SUMF1: variants seen among roughly 807,000 people sequenced by gnomAD.
SUMF1 encodes the protein sulfatase modifying factor 1.
Under a neutral mutation model 47.6 loss-of-function variants are expected in SUMF1, and 48 were observed. The observed-to-expected ratio is 1.01, with a 90% confidence interval of 0.80 to 1.28. The LOEUF is 1.28. Ranked by LOEUF, SUMF1 falls within the 50% of genes most tolerant of loss-of-function variation. The pLI, the probability that SUMF1 is intolerant of heterozygous loss-of-function variation, is 0.00. For missense variants in SUMF1, 571 were observed against 485.4 expected, an observed-to-expected ratio of 1.18 and a Z score of -1.66; for synonymous variants, 230 against 192.1, an observed-to-expected ratio of 1.20 and a Z score of -1.63.
chr3:4,037,957 A>G (rs1293155270), intron 9 of SUMF1, among the ~76,000 whole-genome samples: 2 of 152,072 alleles, frequency 1.3e-5, no homozygotes, highest in Non-Finnish European at 2.9e-5. Context: ...GCTTTGGAGT[A>G]TGATCCAATA....
chr3:4,133,749 T>C (rs1301269480), intron 8 of SUMF1, among the ~76,000 whole-genome samples: 1 of 152,088 alleles, frequency 6.6e-6, no homozygotes, highest in Non-Finnish European at 1.5e-5. Flanking sequence ...AGCCTCCAGA[T>C]GGCCTATTGT....
chr3:4,384,620 T>C (rs1700610355), intron 7 of SUMF1, among the ~76,000 whole-genome samples: 1 of 152,204 alleles, frequency 6.6e-6, no homozygotes, highest in Non-Finnish European at 1.5e-5. Flanking sequence ...CCACTCAGCA[T>C]AATTCTCCGG....
intron 3 of SUMF1, among the ~76,000 whole-genome samples, chr3:4,433,822 G>A (rs1449350252): frequency 6.6e-6 from 1 of 152,156 alleles, no homozygotes; most frequent in African/African-American, 2.4e-5. Flanking sequence ...GTCACAGAAG[G>A]AATTAGACTC....
intron 8 of SUMF1, among the ~76,000 whole-genome samples, chr3:4,188,518 C>T (rs1695249780): frequency 6.6e-6 from 1 of 152,172 alleles, no homozygotes; most frequent in African/African-American, 2.4e-5. Flanking sequence ...CTCCAGATAA[C>T]CTCATCCAGG....
At chr3:4,420,216 A>C in intron 3 of SUMF1, 70 bp from the exon 4 acceptor site, 9 of 1,217,712 alleles carry the variant, frequency 7.4e-6, no homozygotes, top group Non-Finnish European at 1.1e-5. Context: ...AACTCAGTAC[A>C]TGCAGCAAAA....
chr3:4,224,224 G>A (rs1057060720), intron 8 of SUMF1, among the ~76,000 whole-genome samples: 29 of 152,046 alleles, frequency 1.9e-4, no homozygotes, highest in Non-Finnish European at 4.1e-4. Context: ...AGAAAAGCAA[G>A]GTAGGTTAGT....
chr3:4,187,904 A>T (rs2125139488), intron 8 of SUMF1, among the ~76,000 whole-genome samples: 1 of 152,302 alleles, frequency 6.6e-6, no homozygotes, highest in South Asian at 2.1e-4. Context: ...CATGCACTTC[A>T]TTGTGATAGC....
chr3:4,165,871 C>CG lies in SUMF1; in HGVS notation c.1015-97127_1015-97126insC, dbSNP rs936047948. Among the ~76,000 whole-genome samples, 9 of 147,042 alleles carry CG rather than the reference C, an allele frequency of 6.1e-5. 1 individual carries two copies. In the South Asian group the frequency reaches 1.9e-3, roughly 30 times the overall value. ...TTTTGATTTGTTTGTTTCCCCCCCC[C>CG]CCCCGAGCAAGAACCTGCAATGGTC... is the stretch of plus-strand genomic sequence containing the variant. On this transcript the variant is annotated intron_variant and NMD_transcript_variant, in intron 8 of 12. Coordinates refer to the SUMF1 transcript ENST00000448413.
At chr3:4,166,484 A>G (rs1054634173) in intron 8 of SUMF1, among the ~76,000 whole-genome samples, 1 of 152,158 alleles carries the variant, frequency 6.6e-6, no homozygotes, top group Non-Finnish European at 1.5e-5. Context: ...CAAAAATTAT[A>G]TCTTTCTAAT....
intron 8 of SUMF1, among the ~76,000 whole-genome samples, chr3:4,139,504 G>C (rs184991842): frequency 2.3e-4 from 35 of 151,538 alleles, no homozygotes; most frequent in Non-Finnish European, 4.3e-4. Flanking sequence ...TTGATAAAAT[G>C]TATAATAAAC....
At chr3:4,193,658 A>T (rs746820630) in intron 8 of SUMF1, among the ~76,000 whole-genome samples, 22 of 152,160 alleles carry the variant, frequency 1.4e-4, no homozygotes, top group Non-Finnish European at 2.6e-4. Context: ...AAAGTAATGC[A>T]GTTACTATTC....
intron 8 of SUMF1, among the ~76,000 whole-genome samples, chr3:4,282,721 A>G (rs779397360): frequency 1.3e-5 from 2 of 152,184 alleles, no homozygotes; most frequent in African/African-American, 4.8e-5. Flanking sequence ...TTGAAACTTA[A>G]AAGTCATAAA....
At chr3:4,367,922 A>G (rs963598077) in intron 8 of SUMF1, among the ~76,000 whole-genome samples, 2 of 152,030 alleles carry the variant, frequency 1.3e-5, no homozygotes, top group African/African-American at 2.4e-5. Context: ...GGACATAGGC[A>G]TGGGCAAGGA....
intron 8 of SUMF1, among the ~76,000 whole-genome samples, chr3:4,155,184 C>A (rs952788904): frequency 4.6e-5 from 7 of 151,370 alleles, no homozygotes; most frequent in African/African-American, 1.7e-4. Flanking sequence ...CTTTCTCACC[C>A]CTGCAGGCCA....
intron 8 of SUMF1, among the ~76,000 whole-genome samples, chr3:4,214,752 A>G (rs1287784231): frequency 6.6e-6 from 1 of 151,282 alleles, no homozygotes; most frequent in Admixed American, 6.6e-5. Flanking sequence ...CCACCATCAG[A>G]GATTACTATA....
chr3:4,226,528 A>G (rs1281674324), intron 8 of SUMF1, among the ~76,000 whole-genome samples: 2 of 152,016 alleles, frequency 1.3e-5, no homozygotes, highest in Non-Finnish European at 2.9e-5. Flanking sequence ...TCGGCCTACC[A>G]AAGTGCTGGG....
At chr3:4,381,714 G>C (rs934682600) in intron 7 of SUMF1, among the ~76,000 whole-genome samples, 9 of 152,186 alleles carry the variant, frequency 5.9e-5, no homozygotes, top group African/African-American at 2.2e-4. Context: ...AGGAATTCCA[G>C]ATAATTAATG....
chr3:4,443,846 T>C (rs968290200), intron 3 of SUMF1, among the ~76,000 whole-genome samples: 7 of 151,598 alleles, frequency 4.6e-5, no homozygotes, highest in Admixed American at 2.0e-4. Context: ...AAAAGAATTA[T>C]GTAAAGAAAG....
chr3:4,412,479 A>T (rs1466140806), intron 6 of SUMF1, among the ~76,000 whole-genome samples: 1 of 152,228 alleles, frequency 6.6e-6, no homozygotes, highest in Non-Finnish European at 1.5e-5. Flanking sequence ...CAATTTGGAG[A>T]TGATCAAAAA....
Sources: allele counts gnomAD v4.1 joint callset (sites outside exome capture counted in the v4.1 genomes callset), GRCh38; gene constraint gnomAD v4.1.1; transcripts MANE v1.5; gene names NCBI Gene and HGNC (gene_info 2026-07-23, HGNC 2026-07-21).